Variants in ZNF438 observed in about 807,000 individuals in gnomAD.
ZNF438 encodes zinc finger protein 438.
A neutral mutation model predicts 38.0 loss-of-function variants in ZNF438; 25 were observed. That is an observed-to-expected ratio of 0.66 (90% CI 0.48 to 0.92). The LOEUF is 0.92. ZNF438 is among the 40% of genes least tolerant of loss of function. The pLI, the probability that ZNF438 is intolerant of heterozygous loss-of-function variation, is 0.00. For missense variants in ZNF438, 1,007 were observed against 999.6 expected (o/e 1.01, Z -0.10); for synonymous variants, 372 against 364.1 (o/e 1.02, Z -0.25).
At chr10:30,976,653 T>C (rs1440528044) in intron 1 of ZNF438, among the ~76,000 whole-genome samples, 1 of 152,068 alleles carries the variant, frequency 6.6e-6, no homozygotes, top group Non-Finnish European at 1.5e-5. Flanking sequence ...GATTGCCCAC[T>C]TGAGCCCTAG....
intron 3 of ZNF438, among the ~76,000 whole-genome samples, chr10:30,896,885 T>C (rs1160508399): frequency 6.6e-6 from 1 of 152,228 alleles, no homozygotes; most frequent in Non-Finnish European, 1.5e-5. Context: ...AGTACTGACA[T>C]GAAGCATAGG....
intron 1 of ZNF438, among the ~76,000 whole-genome samples, chr10:30,977,311 T>C (rs1218079676): frequency 6.6e-6 from 1 of 152,228 alleles, no homozygotes; most frequent in African/African-American, 2.4e-5. Context: ...CTTTCTGCCA[T>C]AACAAAGAGA....
chr10:30,849,945 G>T, exon 5 of ZNF438: 1 of 1,614,172 alleles, frequency 6.2e-7, no homozygotes, highest in Non-Finnish European at 8.5e-7. Flanking sequence ...GGACACATTT[G>T]GGTTTGGGCA....
At chr10:31,013,139 G>A (rs533817453) in intron 1 of ZNF438, among the ~76,000 whole-genome samples, 50 of 151,976 alleles carry the variant, frequency 3.3e-4, no homozygotes, top group Non-Finnish European at 7.1e-4. Context: ...CTAAAACGGC[G>A]AAACCCCGTG....
chr10:30,847,340 A>G (rs1236307486), intron 5 of ZNF438, among the ~76,000 whole-genome samples: 2 of 152,146 alleles, frequency 1.3e-5, no homozygotes, highest in African/African-American at 2.4e-5. Context: ...CAATGGGACG[A>G]CCAGTGGCAG....
chr10:30,957,961 G>A lies in ZNF438; in HGVS notation c.-191-16310C>T, dbSNP rs2049048892. 1.4e-5 allele frequency among the ~76,000 whole-genome samples: 2 copies of A among 146,422 alleles called. 1 individual carries two copies. The highest frequency in any genetic ancestry group is 4.9e-5 in the African/African-American group (2 of 40,956). On this transcript the variant is annotated intron_variant, in intron 1 of 5. Coordinates refer to ENST00000413025, the Ensembl canonical transcript of ZNF438. ...TATGACCTTTGACCTTCCTGTGCCT[G>A]GATATTTATATTTTTCTTGAGGTTT...
intron 1 of ZNF438, among the ~76,000 whole-genome samples, chr10:30,988,514 GATA>G (rs1250172269): frequency 6.6e-6 from 1 of 151,920 alleles, no homozygotes; most frequent in Non-Finnish European, 1.5e-5. Flanking sequence ...GAAAGAGAGA[GATA>G]ACAAGATTAT....
chr10:30,950,975 T>A (rs1289065271), intron 1 of ZNF438, among the ~76,000 whole-genome samples: 3 of 140,712 alleles, frequency 2.1e-5, no homozygotes, highest in Admixed American at 7.3e-5. Context: ...ATATCCTTGA[T>A]GAACATTGAT....
At chr10:30,971,145 G>T (rs1334250195) in intron 1 of ZNF438, among the ~76,000 whole-genome samples, 1 of 152,084 alleles carries the variant, frequency 6.6e-6, no homozygotes, top group Non-Finnish European at 1.5e-5. Context: ...TAAATGAAAG[G>T]TATACTAAAG....
At chr10:30,988,201 T>C (rs2053064856) in intron 1 of ZNF438, among the ~76,000 whole-genome samples, 1 of 152,096 alleles carries the variant, frequency 6.6e-6, no homozygotes. Flanking sequence ...AAAATAAAAT[T>C]TAATAGAATT....
At chr10:30,949,304 A>T (rs1416451208) in intron 1 of ZNF438, among the ~76,000 whole-genome samples, 21 of 151,794 alleles carry the variant, frequency 1.4e-4, no homozygotes, top group South Asian at 4.2e-4. Flanking sequence ...TCATGCCAAA[A>T]TGTAAAGACC....
intron 1 of ZNF438, among the ~76,000 whole-genome samples, chr10:30,987,901 TAA>T (rs774248184): frequency 6.6e-6 from 1 of 152,190 alleles, no homozygotes; most frequent in Non-Finnish European, 1.5e-5. Flanking sequence ...CAGCCCAAAC[TAA>T]GACAGAAATC....
At chr10:30,957,773 TGAG>T (rs530674903) in intron 1 of ZNF438, among the ~76,000 whole-genome samples, 86 of 152,320 alleles carry the variant, frequency 5.6e-4, no homozygotes, top group African/African-American at 1.9e-3. Context: ...TGGGATATTT[TGAG>T]GAGAATTGAC....
chr10:30,976,224 A>C (rs1025040520), intron 1 of ZNF438, among the ~76,000 whole-genome samples: 2 of 152,238 alleles, frequency 1.3e-5, no homozygotes, highest in African/African-American at 4.8e-5. Flanking sequence ...CAATAAAACC[A>C]ATCAGAACAA....
At chr10:30,924,232 A>G (rs149015640) in intron 2 of ZNF438, among the ~76,000 whole-genome samples, 59 of 152,298 alleles carry the variant, frequency 3.9e-4, no homozygotes, top group African/African-American at 1.4e-3. Flanking sequence ...CAGAAAGCCA[A>G]TGACTGAGAC....
At chr10:30,870,314 G>C (rs1373332254) in intron 4 of ZNF438, among the ~76,000 whole-genome samples, 4 of 152,158 alleles carry the variant, frequency 2.6e-5, no homozygotes, top group African/African-American at 9.7e-5. Flanking sequence ...AAAAGTTTGA[G>C]CCACTTGACA....
At chr10:30,880,862 A>C (rs1256387693) in intron 3 of ZNF438, among the ~76,000 whole-genome samples, 2 of 152,080 alleles carry the variant, frequency 1.3e-5, no homozygotes, top group Admixed American at 6.5e-5. Context: ...TACCATCTTA[A>C]TGTTATAAAA....
intron 4 of ZNF438, among the ~76,000 whole-genome samples, chr10:30,858,635 T>G (rs1282265438): frequency 6.6e-6 from 1 of 152,210 alleles, no homozygotes; most frequent in Non-Finnish European, 1.5e-5. Flanking sequence ...TCCACATATC[T>G]GCAGCATGGA....
At chr10:30,948,761 A>G (rs2047771267) in intron 1 of ZNF438, among the ~76,000 whole-genome samples, 2 of 151,622 alleles carry the variant, frequency 1.3e-5, no homozygotes, top group African/African-American at 4.8e-5. Context: ...GAAAAGACCA[A>G]ATCTACATCT....
Sources: gnomAD v4.1 joint callset for allele counts (sites outside exome capture counted in the v4.1 genomes callset) on GRCh38, gnomAD v4.1.1 for gene constraint, MANE v1.5 for transcripts, NCBI Gene and HGNC (gene_info 2026-07-23, HGNC 2026-07-21) for gene names.